Variants in MSRA observed in about 807,000 individuals in gnomAD.
MSRA encodes mitochondrial peptide methionine sulfoxide reductase.
Under a neutral mutation model 31.3 loss-of-function variants are expected in MSRA, and 54 were observed. That is an observed-to-expected ratio of 1.73 (90% CI 1.39 to 2.17). MSRA has a LOEUF of 2.17. MSRA is among the 30% of genes most tolerant of loss of function. MSRA has a pLI of 0.00. For synonymous variants in MSRA, 169 were observed against 116.5 expected (o/e 1.45, Z -2.90); for missense variants, 507 against 300.9 (o/e 1.69, Z -5.07).
chr8:10,253,282 A>C (rs775135834), intron 3 of MSRA, among the ~76,000 whole-genome samples: 2 of 152,218 alleles, frequency 1.3e-5, no homozygotes, highest in African/African-American at 4.8e-5. Flanking sequence ...TGGACTCTCT[A>C]AAGACTATTG....
intron 1 of MSRA, among the ~76,000 whole-genome samples, chr8:10,168,150 G>A (rs914679891): frequency 1.3e-5 from 2 of 152,200 alleles, no homozygotes; most frequent in African/African-American, 2.4e-5. Context: ...GATAATAAAA[G>A]TGTCTACCTT....
intron 2 of MSRA, among the ~76,000 whole-genome samples, chr8:10,230,602 C>T (rs993406099): frequency 1.7e-4 from 26 of 152,322 alleles, no homozygotes; most frequent in African/African-American, 6.0e-4. Flanking sequence ...TCCAGACTAT[C>T]TGTCAGTCTG....
At chr8:10,247,217 T>C (rs1797668476) in intron 3 of MSRA, among the ~76,000 whole-genome samples, 1 of 152,230 alleles carries the variant, frequency 6.6e-6, no homozygotes, top group South Asian at 2.1e-4. Context: ...AGCAGTTCCA[T>C]GAAGTATGTC....
At chr8:10,419,163 C>T (rs1292921093) in intron 5 of MSRA, among the ~76,000 whole-genome samples, 1 of 152,122 alleles carries the variant, frequency 6.6e-6, no homozygotes, top group African/African-American at 2.4e-5. Flanking sequence ...CTGTAGAATT[C>T]CTATACAAGG....
At chr8:10,379,411 T>C (rs1419308247) in intron 5 of MSRA, among the ~76,000 whole-genome samples, 4 of 152,182 alleles carry the variant, frequency 2.6e-5, no homozygotes, top group African/African-American at 4.8e-5. Flanking sequence ...CCGAGTCTTT[T>C]CTCATTTCAC....
chr8:10,204,732 A>G (rs1488553093), intron 1 of MSRA, among the ~76,000 whole-genome samples: 2 of 152,220 alleles, frequency 1.3e-5, no homozygotes, highest in Non-Finnish European at 2.9e-5. Context: ...TGTATTTTTA[A>G]TGGATCAAAT....
chr8:10,355,504 G>A, intron 5 of MSRA, among the ~76,000 whole-genome samples: 1 of 152,206 alleles, frequency 6.6e-6, no homozygotes, highest in East Asian at 1.9e-4. Context: ...AGAAAACCTG[G>A]CTTGGGTGGC....
chr8:10,355,350 G>A (rs1000946065), intron 5 of MSRA, among the ~76,000 whole-genome samples: 1 of 152,218 alleles, frequency 6.6e-6, no homozygotes, highest in South Asian at 2.1e-4. Context: ...AAGCTTTATC[G>A]CCGATAGATA....
intron 5 of MSRA, among the ~76,000 whole-genome samples, chr8:10,423,870 G>A (rs1177847372): frequency 6.6e-6 from 1 of 152,210 alleles, no homozygotes; most frequent in East Asian, 1.9e-4. Flanking sequence ...GAAGCAGAGA[G>A]AATCTCCAGG....
intron 3 of MSRA, among the ~76,000 whole-genome samples, chr8:10,297,673 A>T (rs746132605): frequency 7.9e-5 from 12 of 152,224 alleles, no homozygotes; most frequent in African/African-American, 2.2e-4. Context: ...AGAAACTTAA[A>T]GGTGAGTTTG....
intron 5 of MSRA, among the ~76,000 whole-genome samples, chr8:10,372,057 G>A (rs189459777): frequency 6.6e-6 from 1 of 152,226 alleles, no homozygotes; most frequent in African/African-American, 2.4e-5. Context: ...CATTTGCAGC[G>A]ATTGTCATTG....
chr8:10,116,553 CTAGATAAG>C (rs1188720746), intron 1 of MSRA, among the ~76,000 whole-genome samples: 2 of 152,194 alleles, frequency 1.3e-5, no homozygotes, highest in African/African-American at 4.8e-5. Context: ...TGGTAGCCAT[CTAGATAAG>C]TAGACAAATC....
intron 1 of MSRA, among the ~76,000 whole-genome samples, chr8:10,157,687 C>G (rs1156760957): frequency 6.6e-6 from 1 of 151,886 alleles, no homozygotes; most frequent in Non-Finnish European, 1.5e-5. Flanking sequence ...TCAAATTTCC[C>G]TCATTTATAC....
chr8:10,135,380 A>G (rs1006742283), intron 1 of MSRA, among the ~76,000 whole-genome samples: 5 of 152,228 alleles, frequency 3.3e-5, no homozygotes, highest in Non-Finnish European at 5.9e-5. Flanking sequence ...TGCCAGTTCC[A>G]TTCTACCTAA....
intron 5 of MSRA, among the ~76,000 whole-genome samples, chr8:10,327,944 A>T (rs1405825679): frequency 6.6e-6 from 1 of 151,472 alleles, no homozygotes; most frequent in African/African-American, 2.4e-5. Context: ...CAACAACAAC[A>T]ACAAAAAAAC....
At chr8:10,299,337 C>T (rs1329136293) in intron 3 of MSRA, among the ~76,000 whole-genome samples, 1 of 151,920 alleles carries the variant, frequency 6.6e-6, no homozygotes, top group Non-Finnish European at 1.5e-5. Context: ...ATTTTTAATG[C>T]TTATGTAGTT....
rs140422452 is a variant in MSRA at position 10,127,870 on chromosome 8, A to G, written c.142+73212A>G. ...AAACTTCAAGTATTTTTTTTTTCAG[A>G]CCTCCAGGAAGAATGGATTTTTTAT... On this transcript the variant is annotated intron_variant, in intron 1 of 5. Transcript: ENST00000317173. Among the ~76,000 whole-genome samples, 9 of 151,570 alleles carry G rather than the reference A, an allele frequency of 5.9e-5. No individual in the cohort carries two copies. The East Asian group carries it at 1.7e-3, about 29-fold the overall frequency.
chr8:10,415,550 T>A (rs1170696283), intron 5 of MSRA, among the ~76,000 whole-genome samples: 2 of 152,064 alleles, frequency 1.3e-5, no homozygotes, highest in African/African-American at 4.8e-5. Context: ...TACGCAGAAA[T>A]AGGCCACAGC....
intron 1 of MSRA, chr8:10,095,932 C>T: frequency 1.5e-6 from 2 of 1,335,952 alleles, no homozygotes; most frequent in Admixed American, 6.8e-5. Context: ...GATGGCAAGG[C>T]AAATTTCTAA....
Sources: allele counts gnomAD v4.1 joint callset (sites outside exome capture counted in the v4.1 genomes callset), GRCh38; gene constraint gnomAD v4.1.1; transcripts MANE v1.5; gene names NCBI Gene and HGNC (gene_info 2026-07-23, HGNC 2026-07-21).